Variants in PDE6D observed in about 807,000 individuals in gnomAD.
The protein encoded by PDE6D is retinal rod rhodopsin-sensitive cGMP 3',5'-cyclic phosphodiesterase subunit delta.
PDE6D carries 10 observed loss-of-function variants against 21.9 expected under a neutral mutation model. The observed-to-expected ratio is 0.46, with a 90% CI of 0.28 to 0.78. The LOEUF (loss-of-function observed/expected upper bound fraction) is 0.78. Among genes scored for constraint, PDE6D ranks in the 30% least tolerant of loss-of-function variants. The pLI is 0.12. For synonymous variants in PDE6D, 59 were observed against 63.5 expected, an observed-to-expected ratio of 0.93 and a Z score of 0.34; for missense variants, 139 against 184.8, an observed-to-expected ratio of 0.75 and a Z score of 1.44.
intron 1 of PDE6D, among the ~76,000 whole-genome samples, chr2:231,776,306 A>T (rs915349946): frequency 1.4e-5 from 2 of 143,176 alleles, no homozygotes; most frequent in African/African-American, 5.1e-5. Context: ...GGGTGACAAG[A>T]GCAAGACTCC....
At position 231,779,560 on chromosome 2, in the gene PDE6D, T is replaced by C. The variant is rs895364387; in HGVS notation, c.50+1505A>G. 2 of 152,214 alleles carry C rather than the reference T, an allele frequency of 1.3e-5. 1 individual carries two copies. The allele number at this position is 152,214 out of a possible 1,614,324, so 9.4% of individuals were successfully genotyped here. The stretch of plus-strand genomic sequence containing the variant: ...TGTTAGATGTTAATAGTATAAATTA[T>C]TTGAGGGAAAAATAAAATCCATGTC... On this transcript the variant is annotated intron_variant, in intron 1 of 4. Coordinates refer to ENST00000287600, the MANE Select transcript of PDE6D (RefSeq NM_002601.4).
intron 1 of PDE6D, among the ~76,000 whole-genome samples, chr2:231,754,523 ATTT>A: frequency 7.8e-6 from 1 of 128,954 alleles, no homozygotes; most frequent in Non-Finnish European, 1.7e-5. Flanking sequence ...TGCCTGGCTA[ATTT>A]TTTTTTTTTT....
At chr2:231,763,707 C>G (rs1301249041) in intron 1 of PDE6D, among the ~76,000 whole-genome samples, 1 of 151,010 alleles carries the variant, frequency 6.6e-6, no homozygotes, top group African/African-American at 2.4e-5. Flanking sequence ...ATGATTACAG[C>G]TCACTGTAAC....
Position 231,739,018 on chromosome 2 carries a change from A to AT in PDE6D, c.139+81dup. 1.3e-6 allele frequency: 1 copy of AT among 779,838 alleles called. No homozygotes were observed. The highest frequency in any genetic ancestry group is 1.5e-5 in the South Asian group (1 of 67,756). The allele number at this position is 779,838 out of a possible 1,614,324, so 48.3% of individuals were successfully genotyped here. A position where few individuals can be genotyped will look rare whatever the true frequency, so the allele number is the denominator to read the frequency against. ...TCAGGGGCTCACCCGCCTATTAGGT[A>AT]TGTGTTAACTTAGCTCTCTTATGCT... On this transcript the variant is annotated intron_variant, in intron 2 of 4. Coordinates refer to ENST00000287600, the MANE Select transcript of PDE6D (RefSeq NM_002601.4). This position sits in a 1 kb window ranked among gnomAD's most constrained non-coding sequence, Gnocchi z 4.2.
Position 231,739,322 on chromosome 2 carries a change from A to C in PDE6D, c.51-134T>G, listed in dbSNP as rs1447415544. On this transcript the variant is annotated intron_variant, in intron 1 of 4. Coordinates refer to ENST00000287600, the MANE Select transcript of PDE6D (RefSeq NM_002601.4). The surrounding 1 kb of genome is among the most constrained non-coding windows in gnomAD (Gnocchi z 4.2). ...TTGTCAAACTGCTCATTGCCATGGAAGCACATAAGAATGTGAGGAGAGTCA... is the reference window on the plus strand; with the variant it reads ...TTGTCAAACTGCTCATTGCCATGGACGCACATAAGAATGTGAGGAGAGTCA... The C allele has an allele frequency of 1.3e-6, 1 of 754,874 alleles. No individual in the cohort carries two copies. Among genetic ancestry groups the C allele is most frequent in the Admixed American group, 1.7e-5 (1 of 58,566 alleles). The allele number at this position is 754,874 out of a possible 1,614,324, so 46.8% of individuals were successfully genotyped here.
At chr2:231,743,640 A>C (rs2048768905) in intron 1 of PDE6D, among the ~76,000 whole-genome samples, 1 of 151,756 alleles carries the variant, frequency 6.6e-6, no homozygotes, top group Non-Finnish European at 1.5e-5. Context: ...TTCTATGCTC[A>C]ATACATCTCC....
intron 1 of PDE6D, among the ~76,000 whole-genome samples, chr2:231,765,885 C>T (rs891967913): frequency 6.6e-6 from 1 of 152,182 alleles, no homozygotes; most frequent in Non-Finnish European, 1.5e-5. Context: ...CCTTTCTGAA[C>T]TCATTTCCTT....
intron 1 of PDE6D, among the ~76,000 whole-genome samples, chr2:231,741,113 CA>C (rs56947117): frequency 0.36 from 19,615 of 54,996 alleles, 980 homozygotes; most frequent in East Asian, 0.56. Flanking sequence ...AACCCTGTCT[CA>C]AAAAAAAAAA....
intron 1 of PDE6D, among the ~76,000 whole-genome samples, chr2:231,743,675 G>A (rs563270923): frequency 5.3e-5 from 8 of 151,464 alleles, no homozygotes; most frequent in East Asian, 3.9e-4. Context: ...CTCTCCACCC[G>A]TGTGATCTGC....
At chr2:231,735,830 C>T (rs1415902722) in intron 4 of PDE6D, among the ~76,000 whole-genome samples, 1 of 151,684 alleles carries the variant, frequency 6.6e-6, no homozygotes, top group Non-Finnish European at 1.5e-5. Flanking sequence ...TCGAGACCAG[C>T]TTGACCAATA....
chr2:231,752,813 T>G (rs988111056), intron 1 of PDE6D, among the ~76,000 whole-genome samples: 2 of 149,596 alleles, frequency 1.3e-5, no homozygotes, highest in East Asian at 3.9e-4. Flanking sequence ...GAGCAGAAAT[T>G]ATATTTGAGA....
At chr2:231,733,090 T>C in intron 4 of PDE6D, 57 bp from the exon 5 acceptor site, 1 of 1,187,666 alleles carries the variant, frequency 8.4e-7, no homozygotes, top group South Asian at 1.2e-5. Context: ...AGGCACAAGA[T>C]TTCATTTCCA....
chr2:231,778,767 A>G (rs1434550424), intron 1 of PDE6D: 1 of 152,258 alleles, frequency 6.6e-6, no homozygotes, highest in East Asian at 1.9e-4. Context: ...CCACTATGCT[A>G]CATTACCTTT....
intron 4 of PDE6D, among the ~76,000 whole-genome samples, chr2:231,735,241 CAAAAA>C (rs201484196): frequency 1.2e-5 from 1 of 86,942 alleles, no homozygotes. Context: ...GACTCCATAT[CAAAAA>C]AAAAAAAAAA....
chr2:231,781,227 G>A lies in PDE6D; in HGVS notation c.-113C>T, dbSNP rs1037670974. 83 of 973,400 alleles carry A rather than the reference G, an allele frequency of 8.5e-5. No individual in the cohort carries two copies. Among genetic ancestry groups the A allele is most frequent in the Non-Finnish European group, 1.2e-4 (78 of 624,236 alleles). The allele number at this position is 973,400 out of a possible 1,614,324, so 60.3% of individuals were successfully genotyped here. The stretch of plus-strand genomic sequence containing the variant: ...CCGGCTTGGAGACCTCGGGCTAGCA[G>A]CCGCAGCGGCCAGACCAGGACCGGC... On this transcript the variant is annotated 5_prime_UTR_variant, in exon 1 of 5. Transcript: ENST00000287600.
intron 1 of PDE6D, among the ~76,000 whole-genome samples, chr2:231,775,485 GTGT>G (rs1559337021): frequency 2.1e-5 from 3 of 140,954 alleles, no homozygotes; most frequent in Admixed American, 7.2e-5. Context: ...ATTTTTGTGT[GTGT>G]TTTTTTTTTT....
rs746134861 is a variant in PDE6D, at chr2:231,739,100, CTTCATGCT to C, written c.131_138del (p.Glu44GlyfsTer18). 1 of 1,603,142 alleles carries C rather than the reference CTTCATGCT, an allele frequency of 6.2e-7. No individual in the cohort carries two copies. The highest frequency in any genetic ancestry group is 2.2e-5 in the East Asian group (1 of 44,822). On this transcript the variant is annotated frameshift_variant and splice_region_variant, in exon 2 of 5. Coordinates refer to ENST00000287600, the MANE Select transcript of PDE6D (RefSeq NM_002601.4). LOFTEE classifies it high-confidence loss of function. The surrounding 1 kb of genome is among the most constrained non-coding windows in gnomAD (Gnocchi z 4.2). The stretch of plus-strand genomic sequence containing the variant: ...GTGTAGATAAAGGGTTGGAAAGTAC[CTTCATGCT>C]CCACACCAGGGACAGACAGGTCTTC...
In PDE6D at chr2:231,771,189, G is replaced by A. The variant is rs145574047; in HGVS notation, c.50+9876C>T. 3.6e-3 allele frequency among the ~76,000 whole-genome samples: 544 copies of A among 151,792 alleles called. 2 individuals carry two copies. The highest frequency in any genetic ancestry group is 0.024 in the Middle Eastern group (7 of 294). ...TTGGCGTGTTGGCCAGGCTGGTCTC[G>A]AACTCCTGACCTCAAGTGATCTGCC... On this transcript the variant is annotated intron_variant, in intron 1 of 4. Coordinates refer to ENST00000287600, the MANE Select transcript of PDE6D (RefSeq NM_002601.4).
chr2:231,769,023 C>T (rs2048994458), intron 1 of PDE6D, among the ~76,000 whole-genome samples: 1 of 152,080 alleles, frequency 6.6e-6, no homozygotes, highest in South Asian at 2.1e-4. Flanking sequence ...CACACGCTAC[C>T]ACGCCCGGCT....
Sources: allele counts gnomAD v4.1 joint callset (sites outside exome capture counted in the v4.1 genomes callset), GRCh38; gene constraint gnomAD v4.1.1; non-coding constraint Gnocchi (gnomAD v3.1); transcripts MANE v1.5; gene names NCBI Gene and HGNC (gene_info 2026-07-23, HGNC 2026-07-21).